The following AQR variants were observed in gnomAD, a reference collection of about 807,000 sequenced individuals.
The protein encoded by AQR is RNA helicase aquarius.
Under a neutral mutation model 180.5 loss-of-function variants are expected in AQR, and 61 were observed. The ratio of observed to expected loss-of-function variants is 0.34; its 90% confidence interval spans 0.28 to 0.42. AQR has a LOEUF of 0.42. Among genes scored for constraint, AQR ranks in the 10% least tolerant of loss-of-function variants. The probability of loss-of-function intolerance (pLI) is 1.00; values close to 1 mark genes in which losing one functional copy is unlikely to be tolerated. For missense variants in AQR, 1,281 were observed against 1,798.3 expected, an observed-to-expected ratio of 0.71 and a Z score of 5.20; for synonymous variants, 551 against 588.8, an observed-to-expected ratio of 0.94 and a Z score of 0.93.
At chr15:34,946,073 C>A (rs374275410) in intron 5 of AQR, among the ~76,000 whole-genome samples, 4 of 152,106 alleles carry the variant, frequency 2.6e-5, no homozygotes, top group Admixed American at 1.3e-4. Flanking sequence ...GAGTTTGAGA[C>A]CAGCCTGGCC....
chr15:34,881,751 A>C (rs1892976283), intron 27 of AQR, among the ~76,000 whole-genome samples: 1 of 152,182 alleles, frequency 6.6e-6, no homozygotes, highest in African/African-American at 2.4e-5. Flanking sequence ...TATGTTTAAT[A>C]TGTGAATAAT....
At chr15:34,907,072 C>G (rs1335768560) in intron 17 of AQR, among the ~76,000 whole-genome samples, 1 of 152,082 alleles carries the variant, frequency 6.6e-6, no homozygotes, top group Non-Finnish European at 1.5e-5. Context: ...GGCATATAAT[C>G]CATCTATAGC....
intron 33 of AQR, among the ~76,000 whole-genome samples, chr15:34,861,780 A>G (rs1348564857): frequency 2.0e-5 from 3 of 152,172 alleles, no homozygotes; most frequent in Non-Finnish European, 4.4e-5. Flanking sequence ...CTATTTCTCC[A>G]CAGCAGCATT....
intron 27 of AQR, among the ~76,000 whole-genome samples, chr15:34,882,231 A>G (rs1892981613): frequency 6.6e-6 from 1 of 152,082 alleles, no homozygotes; most frequent in South Asian, 2.1e-4. Flanking sequence ...AGATTTTTAA[A>G]TAAGTGATAC....
intron 10 of AQR, among the ~76,000 whole-genome samples, chr15:34,932,911 G>A (rs774765253): frequency 2.0e-5 from 3 of 152,086 alleles, no homozygotes; most frequent in Admixed American, 6.5e-5. Context: ...AACCAAGATC[G>A]TGCCACTGCA....
chr15:34,865,511 A>G (rs1247485494), intron 32 of AQR, among the ~76,000 whole-genome samples: 1 of 152,180 alleles, frequency 6.6e-6, no homozygotes, highest in Admixed American at 6.5e-5. Context: ...AGTTCCCTAA[A>G]ATGCTAAATA....
In AQR at chr15:34,944,573, G is replaced by A. The variant is rs182891149; in HGVS notation, c.331-145C>T. ...TGTATATGTATAAAAGAAGCATCACGTGCTTACTTATAATTAATGGCAAGT... is the reference window on the plus strand; with the variant it reads ...TGTATATGTATAAAAGAAGCATCACATGCTTACTTATAATTAATGGCAAGT... On this transcript the variant is annotated intron_variant, in intron 5 of 34. Transcript: ENST00000156471. 1.3e-3 allele frequency: 980 copies of A among 769,488 alleles called. 2 individuals carry two copies. Among genetic ancestry groups the A allele is most frequent in the Admixed American group, 1.9e-3 (51 of 26,214 alleles). 47.7% of individuals were successfully genotyped at this position (769,488 alleles called of 1,614,324 possible). A position where few individuals can be genotyped will look rare whatever the true frequency, so the allele number is the denominator to read the frequency against.
rs374443806 is a variant in AQR, at chr15:34,884,656, T to C, written c.2896A>G (p.Thr966Ala). The C allele has an allele frequency of 6.8e-6, 11 of 1,612,798 alleles. No individual in the cohort carries two copies. Among genetic ancestry groups the C allele is most frequent in the South Asian group, 1.1e-5 (1 of 90,672 alleles). Residue 966 changes from threonine (T) to alanine (A), a missense_variant, in exon 26 of 35, where the codon ACT becomes GCT. Physicochemically the swap from Thr to Ala is moderately conservative, Grantham distance 58 (BLOSUM62 0). This residue lies in a region of AQR where 125 missense variants were observed against 185.0 expected (regional missense o/e 0.68). Coordinates refer to ENST00000156471, the MANE Select transcript of AQR (RefSeq NM_014691.3). ...STLPDVTEVSTFFPFHEYFAN... is the reference protein window; with the variant it reads ...STLPDVTEVSAFFPFHEYFAN... Reference sequence around the variant, plus strand: ...AAGTATTCATGGAAAGGGAAGAAAGTGGAGACTTCCGTAACATCTGGCAAT... The same window carrying C: ...AAGTATTCATGGAAAGGGAAGAAAGCGGAGACTTCCGTAACATCTGGCAAT...
intron 19 of AQR, among the ~76,000 whole-genome samples, chr15:34,902,261 G>A (rs1893342730): frequency 6.6e-6 from 1 of 152,072 alleles, no homozygotes; most frequent in Admixed American, 6.6e-5. Context: ...TGGCTATGAG[G>A]AGACTCAAGG....
At chr15:34,912,479 T>C (rs1332019655) in intron 16 of AQR, among the ~76,000 whole-genome samples, 5 of 152,126 alleles carry the variant, frequency 3.3e-5, no homozygotes. Context: ...TTGTTAATAT[T>C]TTATTTTCTA....
At chr15:34,874,356 T>C (rs934554951) in intron 29 of AQR, 10 of 340,936 alleles carry the variant, frequency 2.9e-5, no homozygotes, top group African/African-American at 1.3e-4. Flanking sequence ...GTTCTCCTCT[T>C]GTTCACTTTA....
chr15:34,906,716 G>T lies in AQR; in HGVS notation c.1664-4C>A. On this transcript the variant is annotated splice_region_variant and splice_polypyrimidine_tract_variant and intron_variant, in intron 17 of 34. Coordinates refer to ENST00000156471, the MANE Select transcript of AQR (RefSeq NM_014691.3). ...CATACATCATGCTTACGAAGACCTGGTAAGATATAAAGACATTTTCATTTA... is the reference window on the plus strand; with the variant it reads ...CATACATCATGCTTACGAAGACCTGTTAAGATATAAAGACATTTTCATTTA... The T allele has an allele frequency of 6.2e-7, 1 of 1,609,998 alleles. No homozygotes were observed. Among genetic ancestry groups the T allele is most frequent in the South Asian group, 1.1e-5 (1 of 90,544 alleles).
chr15:34,915,415 C>T (rs1281871152), intron 15 of AQR, among the ~76,000 whole-genome samples: 1 of 151,602 alleles, frequency 6.6e-6, no homozygotes, highest in African/African-American at 2.4e-5. Flanking sequence ...TGGTCTCGAA[C>T]TCCTGACCTT....
At chr15:34,891,192 C>T (rs1014607497) in intron 23 of AQR, among the ~76,000 whole-genome samples, 1 of 152,014 alleles carries the variant, frequency 6.6e-6, no homozygotes, top group African/African-American at 2.4e-5. Flanking sequence ...CAGAAAAATC[C>T]CCCACTATCC....
intron 33 of AQR, among the ~76,000 whole-genome samples, chr15:34,862,651 G>A (rs1260689628): frequency 6.6e-6 from 1 of 152,000 alleles, no homozygotes; most frequent in Non-Finnish European, 1.5e-5. Context: ...TCCTACCTCA[G>A]CCTCCCAAAG....
chr15:34,882,390 C>A (rs1391914368), intron 27 of AQR, 112 bp downstream of exon 27: 1 of 1,156,358 alleles, frequency 8.6e-7, no homozygotes, highest in Admixed American at 3.4e-5. Flanking sequence ...ATATTATCAT[C>A]CACTTATAAA....
intron 13 of AQR, among the ~76,000 whole-genome samples, chr15:34,921,741 A>G (rs1893687670): frequency 6.6e-6 from 1 of 152,108 alleles, no homozygotes; most frequent in Non-Finnish European, 1.5e-5. Flanking sequence ...AGCAACCATA[A>G]TCAGTTTTCT....
chr15:34,925,962 T>C (rs1893756375), intron 13 of AQR, among the ~76,000 whole-genome samples: 1 of 151,844 alleles, frequency 6.6e-6, no homozygotes. Flanking sequence ...AGGTCAGAGA[T>C]CGAGACCATC....
intron 3 of AQR, among the ~76,000 whole-genome samples, chr15:34,959,829 T>G (rs2050264126): frequency 6.6e-6 from 1 of 152,212 alleles, no homozygotes; most frequent in African/African-American, 2.4e-5. Context: ...ATTAATTCCC[T>G]GCCTCTTGCT....
Sources: gnomAD v4.1 joint callset for allele counts (sites outside exome capture counted in the v4.1 genomes callset) on GRCh38, gnomAD v4.1.1 for gene constraint, gnomAD v4.1.1 regional missense constraint, MANE v1.5 for transcripts, NCBI Gene and HGNC (gene_info 2026-07-23, HGNC 2026-07-21) for gene names.